Variants in TMEM266 observed in about 807,000 individuals in gnomAD.
TMEM266 encodes transmembrane protein 266, also known as Hv1 related protein 1.
Under a neutral mutation model 50.5 loss-of-function variants are expected in TMEM266, and 33 were observed. The observed-to-expected ratio is 0.65, with a 90% CI of 0.50 to 0.87. The LOEUF (loss-of-function observed/expected upper bound fraction) is 0.87. Ranked by LOEUF, TMEM266 falls within the 40% of genes least tolerant of loss-of-function variation. The pLI, the probability that TMEM266 is intolerant of heterozygous loss-of-function variation, is 0.00. For synonymous variants in TMEM266, 310 were observed against 292.3 expected, an observed-to-expected ratio of 1.06 and a Z score of -0.62; for missense variants, 655 against 695.1, an observed-to-expected ratio of 0.94 and a Z score of 0.65.
chr15:76,199,774 CATTCTGG>C (rs2142090264), intron 9 of TMEM266, among the ~76,000 whole-genome samples: 1 of 151,858 alleles, frequency 6.6e-6, no homozygotes, highest in African/African-American at 2.4e-5. Context: ...CCCTCCCTCC[CATTCTGG>C]TCACAGCTGG....
chr15:76,119,391 C>CAAAAAAAAAAAAAAAAA (rs57532855), intron 1 of TMEM266, among the ~76,000 whole-genome samples: 3 of 109,778 alleles, frequency 2.7e-5, no homozygotes, highest in Non-Finnish European at 4.0e-5. Context: ...GGGTTTATGG[C>CAAAAAAAAAAAAAAAAA]AAAAAAAAAA....
At chr15:76,176,149 T>G (rs1596154014) in intron 8 of TMEM266, 1 of 158,040 alleles carries the variant, frequency 6.3e-6, no homozygotes, top group East Asian at 1.9e-4. Context: ...AGGCAGGTGG[T>G]GGGCCCTGCA....
intron 1 of TMEM266, among the ~76,000 whole-genome samples, chr15:76,064,383 G>T (rs2036370761): frequency 6.6e-6 from 1 of 151,992 alleles, no homozygotes; most frequent in Non-Finnish European, 1.5e-5. Context: ...TCCCAGGAAG[G>T]ACTCCACATA....
At chr15:76,148,131 G>GTGTGTCGGGGA (rs2037784424) in intron 3 of TMEM266, among the ~76,000 whole-genome samples, 1 of 152,260 alleles carries the variant, frequency 6.6e-6, no homozygotes, top group Non-Finnish European at 1.5e-5. Context: ...TGGGTCGGGG[G>GTGTGTCGGGGA]TGTGTCGGGG....
intron 1 of TMEM266, among the ~76,000 whole-genome samples, chr15:76,130,926 G>A (rs2037501264): frequency 6.6e-6 from 1 of 152,086 alleles, no homozygotes; most frequent in African/African-American, 2.4e-5. Context: ...ATACAGATTT[G>A]TGAATTTTTA....
At chr15:76,172,376 A>T (rs2038199659) in intron 7 of TMEM266, among the ~76,000 whole-genome samples, 2 of 152,186 alleles carry the variant, frequency 1.3e-5, no homozygotes, top group South Asian at 4.1e-4. Context: ...ACTGGGATAG[A>T]TGCTATGGTC....
chr15:76,068,691 G>A (rs1227678647), intron 1 of TMEM266, among the ~76,000 whole-genome samples: 1 of 152,336 alleles, frequency 6.6e-6, no homozygotes, highest in South Asian at 2.1e-4. Context: ...CTGCAAGCCA[G>A]GAAGAGAGCC....
At position 76,134,167 on chromosome 15, in the gene TMEM266, G is replaced by T. The variant is rs1472106512; in HGVS notation, c.-96-1G>T. The stretch of plus-strand genomic sequence containing the variant: ...TAATAAGTTCCTATTTTTGTTTTCA[G>T]GGCACTATATTTGTATGTGTCTTGT... On this transcript the variant is annotated splice_acceptor_variant, in intron 1 of 10. Transcript: ENST00000388942. LOFTEE classifies it low-confidence loss of function (5UTR_SPLICE). The T allele has an allele frequency of 2.2e-6, 3 of 1,364,490 alleles. No individual in the cohort carries two copies. Among genetic ancestry groups the T allele is most frequent in the Non-Finnish European group, 3.1e-6 (3 of 971,370 alleles). The allele number at this position is 1,364,490 out of a possible 1,614,324, so 84.5% of individuals were successfully genotyped here.
chr15:76,084,403 G>A (rs560401718), intron 1 of TMEM266, among the ~76,000 whole-genome samples: 5 of 152,290 alleles, frequency 3.3e-5, no homozygotes, highest in African/African-American at 1.2e-4. Flanking sequence ...GCAGCAGGAA[G>A]GGTTTATACA....
At chr15:76,172,559 T>G (rs1303273537) in intron 7 of TMEM266, among the ~76,000 whole-genome samples, 1 of 152,226 alleles carries the variant, frequency 6.6e-6, no homozygotes, top group Non-Finnish European at 1.5e-5. Flanking sequence ...TTGGTCCTGA[T>G]GAAGATGCTG....
At chr15:76,108,016 T>C (rs2037111004) in intron 1 of TMEM266, among the ~76,000 whole-genome samples, 1 of 152,226 alleles carries the variant, frequency 6.6e-6, no homozygotes, top group South Asian at 2.1e-4. Context: ...TCCTTTCTCC[T>C]TACTCTGGCT....
rs186392869 is a variant in TMEM266, at chr15:76,068,370, A to G, written c.-97+8354A>G. ...AGTTTCTCAAAAGGAGGCAAGGTAGAATTACTAATTCCATAGACTACTGTA... is the reference window on the plus strand; with the variant it reads ...AGTTTCTCAAAAGGAGGCAAGGTAGGATTACTAATTCCATAGACTACTGTA... On this transcript the variant is annotated intron_variant, in intron 1 of 10. Coordinates refer to ENST00000388942, the MANE Select transcript of TMEM266 (RefSeq NM_152335.3). 1.1e-3 allele frequency among the ~76,000 whole-genome samples: 161 copies of G among 152,328 alleles called. 1 individual carries two copies. The highest frequency in any genetic ancestry group is 3.6e-3 in the African/African-American group (151 of 41,566).
chr15:76,178,462 C>A (rs926952350), intron 8 of TMEM266: 2 of 152,318 alleles, frequency 1.3e-5, no homozygotes, highest in Non-Finnish European at 2.9e-5. Flanking sequence ...GTGAAAGACA[C>A]GGACACAGGG....
At position 76,076,718 on chromosome 15, in the gene TMEM266, C is replaced by T. The variant is rs551234723; in HGVS notation, c.-97+16702C>T. On this transcript the variant is annotated intron_variant, in intron 1 of 10. Coordinates refer to ENST00000388942, the MANE Select transcript of TMEM266 (RefSeq NM_152335.3). Reference sequence around the variant, plus strand: ...TGTCATGAATGGTTCCTAGGAAGGTCGGGCATTAGATGGGCCTCAAAAGAT... The same window carrying T: ...TGTCATGAATGGTTCCTAGGAAGGTTGGGCATTAGATGGGCCTCAAAAGAT... Among the ~76,000 whole-genome samples, 90 of 152,010 alleles carry T rather than the reference C, an allele frequency of 5.9e-4. 1 individual carries two copies. The highest frequency in any genetic ancestry group is 2.0e-3 in the African/African-American group (83 of 41,372).
chr15:76,074,051 T>C (rs376446071), intron 1 of TMEM266, among the ~76,000 whole-genome samples: 2 of 152,270 alleles, frequency 1.3e-5, no homozygotes, highest in East Asian at 1.9e-4. Context: ...TTTTCATGTG[T>C]TTTTATTGTA....
intron 1 of TMEM266, among the ~76,000 whole-genome samples, chr15:76,101,637 C>T (rs1445028116): frequency 6.6e-6 from 1 of 152,196 alleles, no homozygotes; most frequent in Non-Finnish European, 1.5e-5. Context: ...GGGAAATGCT[C>T]TAACTCCACA....
chr15:76,160,408 A>C lies in TMEM266; in HGVS notation c.456+240A>C, dbSNP rs2037999608. 6.6e-6 allele frequency among the ~76,000 whole-genome samples: 1 copy of C among 152,152 alleles called. No individual in the cohort carries two copies. Among genetic ancestry groups the C allele is most frequent in the Non-Finnish European group, 1.5e-5 (1 of 68,014 alleles). The stretch of plus-strand genomic sequence containing the variant: ...TTCCTGGGAGGAACCCCAGTGGATG[A>C]GCAGGTGTTCTCCAGGTGAGGGGTG... On this transcript the variant is annotated intron_variant, in intron 5 of 10. Transcript: ENST00000388942. This position sits in a 1 kb window ranked among gnomAD's most constrained non-coding sequence, Gnocchi z 5.7.
At chr15:76,177,880 G>A (rs1359422315) in intron 8 of TMEM266, among the ~76,000 whole-genome samples, 1 of 152,266 alleles carries the variant, frequency 6.6e-6, no homozygotes, top group Admixed American at 6.5e-5. Context: ...AATAGGCAGT[G>A]GAAATCTGGT....
intron 1 of TMEM266, among the ~76,000 whole-genome samples, chr15:76,103,543 A>G (rs1252161966): frequency 6.6e-6 from 1 of 152,198 alleles, no homozygotes; most frequent in Non-Finnish European, 1.5e-5. Flanking sequence ...GGTGGGGCAG[A>G]CTAGACATCT....
Sources: gnomAD v4.1 joint callset for allele counts (sites outside exome capture counted in the v4.1 genomes callset) on GRCh38, gnomAD v4.1.1 for gene constraint, Gnocchi (gnomAD v3.1) non-coding constraint, MANE v1.5 for transcripts, NCBI Gene and HGNC (gene_info 2026-07-23, HGNC 2026-07-21) for gene names.